Variants in CACNA1A observed in about 807,000 individuals in gnomAD.
CACNA1A encodes calcium voltage-gated channel subunit alpha1 A, also known as voltage-dependent P/Q-type calcium channel subunit alpha-1A.
CACNA1A carries 57 observed loss-of-function variants against 262.4 expected under a neutral mutation model. The ratio of observed to expected loss-of-function variants is 0.22; its 90% CI spans 0.18 to 0.27. The LOEUF is 0.27. Among genes scored for constraint, CACNA1A ranks in the 10% least tolerant of loss-of-function variants. CACNA1A has a pLI of 1.00. For synonymous variants in CACNA1A, 1,431 were observed against 1,419.3 expected (o/e 1.01, Z -0.18); for missense variants, 2,526 against 3,562.8 (o/e 0.71, Z 7.41).
chr19:13,282,522 C>T (rs1361746527), intron 22 of CACNA1A, among the ~76,000 whole-genome samples: 3 of 152,102 alleles, frequency 2.0e-5, no homozygotes, highest in East Asian at 1.9e-4. Context: ...CACACCCATC[C>T]GTAGCATACA....
In CACNA1A at chr19:13,264,358, C is replaced by T. The variant is rs549566710; in HGVS notation, c.3990-1525G>A. On this transcript the variant is annotated intron_variant, in intron 24 of 46. Coordinates refer to ENST00000360228, the MANE Select transcript of CACNA1A (RefSeq NM_001127222.2). Reference sequence around the variant, plus strand: ...ATTCCTGGGTGCCATCCCCCCTCACCCGTCTCCCAACTTGCTCCTCATTCC... The same window carrying T: ...ATTCCTGGGTGCCATCCCCCCTCACTCGTCTCCCAACTTGCTCCTCATTCC... Among the ~76,000 whole-genome samples, 5 of 152,216 alleles carry T rather than the reference C, an allele frequency of 3.3e-5. No individual in the cohort carries two copies. The East Asian group carries it at 9.6e-4, about 29-fold the overall frequency.
At chr19:13,242,961 G>A (rs2056120936) in intron 31 of CACNA1A, among the ~76,000 whole-genome samples, 1 of 152,178 alleles carries the variant, frequency 6.6e-6, no homozygotes, top group Non-Finnish European at 1.5e-5. Context: ...TGCCAGCCAG[G>A]AGAACAGGCT....
At chr19:13,373,233 C>A (rs1160970396) in intron 3 of CACNA1A, among the ~76,000 whole-genome samples, 1 of 152,230 alleles carries the variant, frequency 6.6e-6, no homozygotes, top group African/African-American at 2.4e-5. Context: ...TCATAGCTCG[C>A]TACAGCATTG....
chr19:13,207,909 A>G lies in CACNA1A; in HGVS notation c.6925T>C (p.Ser2309Pro), dbSNP rs2144492546. Reference sequence around the variant, plus strand: ...TGCTGCTGCTGCTGCGGGGGCCCCGAGCCGCCGGCCTTACGGATCACAGGG... The same window carrying G: ...TGCTGCTGCTGCTGCGGGGGCCCCGGGCCGCCGGCCTTACGGATCACAGGG... ...YSPVIRKAGGSGPPQQQQQQQ... is the reference protein window; with the variant it reads ...YSPVIRKAGGPGPPQQQQQQQ... The change falls in exon 47 of 47, where the codon TCG becomes CCG. Residue 2309 changes from serine (S) to proline (P), a missense_variant. By Grantham distance (74) the Ser-to-Pro change is moderately conservative (BLOSUM62 -1). Transcript: ENST00000360228. This position sits in a 1 kb window ranked among gnomAD's most constrained non-coding sequence, Gnocchi z 5.7. 1 of 1,445,192 alleles carries G rather than the reference A, an allele frequency of 6.9e-7. No homozygotes were observed. Among genetic ancestry groups the G allele is most frequent in the Non-Finnish European group, 9.1e-7 (1 of 1,104,832 alleles). The allele number at this position is 1,445,192 out of a possible 1,614,324, so 89.5% of individuals were successfully genotyped here.
intron 9 of CACNA1A, among the ~76,000 whole-genome samples, chr19:13,332,112 C>T (rs925079161): frequency 6.6e-6 from 1 of 151,830 alleles, no homozygotes; most frequent in African/African-American, 2.4e-5. Flanking sequence ...CTTTCATATT[C>T]AGGTTTCCAG....
At chr19:13,209,538 T>G in intron 44 of CACNA1A, 40 bp from the exon 45 acceptor site, 12 of 1,262,190 alleles carry the variant, frequency 9.5e-6, no homozygotes, top group Non-Finnish European at 1.2e-5. Context: ...GGTCAGCAGC[T>G]AGCACCAAGT....
At chr19:13,365,209 C>A in intron 5 of CACNA1A, 108 bp downstream of exon 5, 4 of 932,694 alleles carry the variant, frequency 4.3e-6, no homozygotes, top group South Asian at 1.7e-5. Context: ...CTGAAGGAGA[C>A]GGTCCTCCCA....
chr19:13,217,410 C>T (rs2055054105), intron 38 of CACNA1A, among the ~76,000 whole-genome samples: 1 of 152,168 alleles, frequency 6.6e-6, no homozygotes, highest in Non-Finnish European at 1.5e-5. Flanking sequence ...AGAAAGTGAG[C>T]TGAACTATGA....
At chr19:13,475,608 A>G (rs1383781538) in intron 1 of CACNA1A, among the ~76,000 whole-genome samples, 1 of 152,216 alleles carries the variant, frequency 6.6e-6, no homozygotes, top group African/African-American at 2.4e-5. Context: ...ATACCCCCTC[A>G]GGAAGATCAT....
chr19:13,217,108 C>T (rs1284653353), intron 38 of CACNA1A, among the ~76,000 whole-genome samples: 2 of 152,112 alleles, frequency 1.3e-5, no homozygotes, highest in East Asian at 1.9e-4. Context: ...TGCACTCCAG[C>T]CTGGGCGACA....
Position 13,207,954 on chromosome 19 carries a change from G to A in CACNA1A, c.6880C>T (p.Arg2294Trp). ...RQLPQTPSTP[R>W]PHVSYSPVIR... The stretch of plus-strand genomic sequence containing the variant: ...ACAGGGGAATAGGACACGTGTGGCC[G>A]GGGGGTGGAGGGGGTCTGGGGGAGC... Residue 2294 changes from arginine to tryptophan, a missense_variant, in exon 47 of 47, where the codon CGG (arginine) becomes TGG (tryptophan). Transcript: ENST00000360228. This position sits in a 1 kb window ranked among gnomAD's most constrained non-coding sequence, Gnocchi z 5.7. 7.4e-7 allele frequency: 1 copy of A among 1,357,754 alleles called. No homozygotes were observed. The highest frequency in any genetic ancestry group is 9.4e-7 in the Non-Finnish European group (1 of 1,058,782). The allele number at this position is 1,357,754 out of a possible 1,614,324, so 84.1% of individuals were successfully genotyped here. A position where few individuals can be genotyped will look rare whatever the true frequency, so the allele number is the denominator to read the frequency against.
At chr19:13,319,916 A>G (rs1240727387) in intron 10 of CACNA1A, among the ~76,000 whole-genome samples, 2 of 152,092 alleles carry the variant, frequency 1.3e-5, no homozygotes, top group African/African-American at 2.4e-5. Context: ...GATGGTTCAG[A>G]GTGTGTGCTC....
intron 36 of CACNA1A, chr19:13,228,839 AC>A: frequency 8.6e-7 from 1 of 1,162,936 alleles, no homozygotes; most frequent in Admixed American, 1.9e-5. Context: ...ATGGGTTCAC[AC>A]GGGCTCCCTG....
At chr19:13,439,067 C>T (rs528383202) in intron 3 of CACNA1A, among the ~76,000 whole-genome samples, 1 of 152,006 alleles carries the variant, frequency 6.6e-6, no homozygotes, top group South Asian at 2.1e-4. Context: ...TATCCTGTTC[C>T]CCTGTTTCCT....
chr19:13,491,684 C>CCCATAACATAAAATTGACCAT (rs1980901539), intron 1 of CACNA1A, among the ~76,000 whole-genome samples: 1 of 152,146 alleles, frequency 6.6e-6, no homozygotes, highest in African/African-American at 2.4e-5. Flanking sequence ...AAGGGGCTGT[C>CCCATAACATAAAATTGACCAT]TAAGGGCCAG....
rs1232528055 is a variant in CACNA1A, at chr19:13,207,565, G to A, written c.7269C>T (p.Ser2423=). ...CGGCCATGGCCTCCTCGCCGCCCCCGCTGCCCGGGCCATCGGCCTCGTCGT... is the reference window on the plus strand; with the variant it reads ...CGGCCATGGCCTCCTCGCCGCCCCCACTGCCCGGGCCATCGGCCTCGTCGT... ...SDYDEADGPG[S]GGGEEAMAGA... The change falls in exon 47 of 47, where the codon AGC becomes AGT. Residue 2423 remains serine, a synonymous_variant. Coordinates refer to ENST00000360228, the MANE Select transcript of CACNA1A (RefSeq NM_001127222.2). This position sits in a 1 kb window ranked among gnomAD's most constrained non-coding sequence, Gnocchi z 5.7. 2.7e-6 allele frequency: 4 copies of A among 1,467,814 alleles called. No homozygotes were observed. The highest frequency in any genetic ancestry group is 1.8e-6 in the Non-Finnish European group (2 of 1,109,182). The allele number at this position is 1,467,814 out of a possible 1,614,324, so 90.9% of individuals were successfully genotyped here. A position where few individuals can be genotyped will look rare whatever the true frequency, so the allele number is the denominator to read the frequency against.
At chr19:13,367,497 GC>G (rs1375355265) in intron 4 of CACNA1A, among the ~76,000 whole-genome samples, 1 of 152,016 alleles carries the variant, frequency 6.6e-6, no homozygotes, top group Non-Finnish European at 1.5e-5. Context: ...GGAGGCCGAG[GC>G]GGGCAGATCA....
At chr19:13,491,630 A>C (rs1980891846) in intron 1 of CACNA1A, among the ~76,000 whole-genome samples, 1 of 152,190 alleles carries the variant, frequency 6.6e-6, no homozygotes, top group South Asian at 2.1e-4. Context: ...TAAAGCTTGG[A>C]GAGCTTGCAC....
chr19:13,506,092 G>A lies in CACNA1A; in HGVS notation c.133C>T (p.Gln45Ter). The A allele has an allele frequency of 6.2e-7, 1 of 1,613,370 alleles. No homozygotes were observed. The highest frequency in any genetic ancestry group is 8.5e-7 in the Non-Finnish European group (1 of 1,179,704). ...GSRQGGQPGA[Q>*]RMYKQSMAQR... ...GCCATTGACTGCTTGTACATCCTTTGCGCCCCGGGCTGCCCGCCCTGCCGG... is the reference window on the plus strand; with the variant it reads ...GCCATTGACTGCTTGTACATCCTTTACGCCCCGGGCTGCCCGCCCTGCCGG... Residue 45 changes from glutamine to a stop codon, truncating the protein, a stop_gained, in exon 1 of 47, where the codon CAA becomes TAA. Transcript: ENST00000360228. LOFTEE classifies it high-confidence loss of function.
Sources: gnomAD v4.1 joint callset for allele counts (sites outside exome capture counted in the v4.1 genomes callset) on GRCh38, gnomAD v4.1.1 for gene constraint, Gnocchi (gnomAD v3.1) non-coding constraint, MANE v1.5 for transcripts, NCBI Gene and HGNC (gene_info 2026-07-23, HGNC 2026-07-21) for gene names.